Variants in WWOX observed in about 807,000 individuals in gnomAD.
WWOX encodes the protein WW domain containing oxidoreductase.
A neutral mutation model predicts 46.2 loss-of-function variants in WWOX; 69 were observed. The ratio of observed to expected loss-of-function variants is 1.49; its 90% CI spans 1.23 to 1.82. The LOEUF is 1.82. WWOX is among the 40% of genes most tolerant of loss of function. WWOX has a pLI of 0.00. For missense variants in WWOX, 919 were observed against 542.6 expected (o/e 1.69, Z -6.89); for synonymous variants, 359 against 202.6 (o/e 1.77, Z -6.56).
intron 4 of WWOX, among the ~76,000 whole-genome samples, chr16:78,132,065 C>T (rs376060126): frequency 1.1e-4 from 16 of 148,532 alleles, no homozygotes; most frequent in African/African-American, 4.0e-4. Flanking sequence ...CACTCTGTCG[C>T]CCAGGCTGGA....
intron 5 of WWOX, among the ~76,000 whole-genome samples, chr16:78,353,354 C>G (rs1157417219): frequency 6.6e-6 from 1 of 152,176 alleles, no homozygotes; most frequent in Non-Finnish European, 1.5e-5. Context: ...AAGCTATGAA[C>G]AGATGCCACA....
chr16:78,786,626 T>A lies in WWOX; in HGVS notation c.1056+353874T>A, dbSNP rs140672290. ...AACTTTTTTTAGTATATTCGCATGG[T>A]TATGTAATTTTCATCAAAATCTAAT... On this transcript the variant is annotated intron_variant, in intron 8 of 8. Transcript: ENST00000566780. Among the ~76,000 whole-genome samples the A allele has an allele frequency of 1.8e-3, 268 of 152,322 alleles. 1 individual carries two copies. Among genetic ancestry groups the A allele is most frequent in the African/African-American group, 6.1e-3 (252 of 41,562 alleles).
At chr16:78,368,528 C>G (rs1689817797) in intron 5 of WWOX, among the ~76,000 whole-genome samples, 1 of 152,152 alleles carries the variant, frequency 6.6e-6, no homozygotes, top group African/African-American at 2.4e-5. Context: ...AAGCTCTTCC[C>G]ATAGAGAACA....
intron 8 of WWOX, among the ~76,000 whole-genome samples, chr16:78,854,640 G>A (rs1313842570): frequency 6.6e-6 from 1 of 152,170 alleles, no homozygotes; most frequent in African/African-American, 2.4e-5. Flanking sequence ...GAGTGCAGTG[G>A]CGCGATCTCA....
At chr16:78,435,101 G>T (rs1241781079) in intron 8 of WWOX, among the ~76,000 whole-genome samples, 1 of 152,124 alleles carries the variant, frequency 6.6e-6, no homozygotes, top group African/African-American at 2.4e-5. Flanking sequence ...TCATGATATC[G>T]GAGTGTTAGC....
At chr16:78,585,894 TC>T (rs1046718896) in intron 8 of WWOX, among the ~76,000 whole-genome samples, 2 of 152,036 alleles carry the variant, frequency 1.3e-5, no homozygotes, top group Admixed American at 1.3e-4. Flanking sequence ...CTGCGCATCT[TC>T]CTTCCCTTCA....
At chr16:78,992,950 C>CT (rs1206394291) in intron 8 of WWOX, among the ~76,000 whole-genome samples, 2 of 6,662 alleles carry the variant, frequency 3.0e-4, no homozygotes, top group Non-Finnish European at 1.2e-3. Flanking sequence ...AGAGTCTCAT[C>CT]TTTAAAAAAA....
intron 8 of WWOX, among the ~76,000 whole-genome samples, chr16:78,791,917 CA>C (rs2050612481): frequency 6.6e-6 from 1 of 152,016 alleles, no homozygotes; most frequent in South Asian, 2.1e-4. Context: ...AAACAAGAAA[CA>C]AAAAATACAT....
intron 8 of WWOX, among the ~76,000 whole-genome samples, chr16:78,940,407 T>G (rs1217059272): frequency 6.6e-6 from 1 of 152,236 alleles, no homozygotes; most frequent in African/African-American, 2.4e-5. Flanking sequence ...AGTGTTTCTC[T>G]ACCAAAGCTG....
intron 8 of WWOX, among the ~76,000 whole-genome samples, chr16:78,851,641 G>C (rs567686314): frequency 6.6e-5 from 10 of 152,302 alleles, no homozygotes; most frequent in Admixed American, 6.5e-4. Context: ...CAGACACATA[G>C]AGATGCTCAA....
At chr16:78,217,248 C>T (rs929702286) in intron 5 of WWOX, among the ~76,000 whole-genome samples, 1 of 152,142 alleles carries the variant, frequency 6.6e-6, no homozygotes, top group Non-Finnish European at 1.5e-5. Context: ...TTCCTAACTT[C>T]TCCTGCCTGC....
At chr16:78,780,557 G>A (rs4887987) in intron 8 of WWOX, 48,824 of 152,018 alleles carry the variant, frequency 0.32, 8,301 homozygotes, top group South Asian at 0.38. Context: ...TGATGAGGGA[G>A]TTAAAGAAAT....
chr16:78,682,254 A>C (rs955733663), intron 8 of WWOX, among the ~76,000 whole-genome samples: 2 of 152,324 alleles, frequency 1.3e-5, no homozygotes, highest in African/African-American at 4.8e-5. Context: ...TCATGAAATA[A>C]CAATCTTCTA....
At chr16:78,577,774 G>C (rs1006155337) in intron 8 of WWOX, among the ~76,000 whole-genome samples, 1 of 152,228 alleles carries the variant, frequency 6.6e-6, no homozygotes, top group East Asian at 1.9e-4. Context: ...GCCACTTTGC[G>C]AACGATCTGT....
chr16:78,135,398 T>C (rs1056891076), intron 4 of WWOX, among the ~76,000 whole-genome samples: 1 of 152,184 alleles, frequency 6.6e-6, no homozygotes, highest in Admixed American at 6.5e-5. Flanking sequence ...TTTAGAAGCA[T>C]AAAAGACGTA....
intron 8 of WWOX, among the ~76,000 whole-genome samples, chr16:78,900,778 C>T (rs933837990): frequency 6.6e-6 from 1 of 150,784 alleles, no homozygotes; most frequent in East Asian, 1.9e-4. Flanking sequence ...GTCATGCTAA[C>T]GTAATAACCT....
At chr16:78,682,589 T>C (rs1372473430) in intron 8 of WWOX, among the ~76,000 whole-genome samples, 2 of 151,962 alleles carry the variant, frequency 1.3e-5, no homozygotes, top group African/African-American at 2.4e-5. Flanking sequence ...TCTCTGAAGA[T>C]ACAAGAAGGC....
In WWOX at chr16:78,382,323, C is replaced by A. The variant is rs181416391; in HGVS notation, c.517-4537C>A. ...TTAAGTGGAAGTCTTTGAGATGCCA[C>A]GTGTAACTCACCACATTGCCTTCCA... On this transcript the variant is annotated intron_variant, in intron 5 of 8. Transcript: ENST00000566780. Among the ~76,000 whole-genome samples, 5 of 152,316 alleles carry A rather than the reference C, an allele frequency of 3.3e-5. No individual in the cohort carries two copies. The East Asian group carries it at 9.6e-4, about 29-fold the overall frequency.
At chr16:78,336,452 G>C (rs528545443) in intron 5 of WWOX, among the ~76,000 whole-genome samples, 57 of 139,480 alleles carry the variant, frequency 4.1e-4, no homozygotes, top group African/African-American at 1.4e-3. Flanking sequence ...GTTGCAGTGA[G>C]CCAAGATCTC....
Sources: gnomAD v4.1 joint callset for allele counts (sites outside exome capture counted in the v4.1 genomes callset) on GRCh38, gnomAD v4.1.1 for gene constraint, MANE v1.5 for transcripts, NCBI Gene and HGNC (gene_info 2026-07-23, HGNC 2026-07-21) for gene names.